The following TTF1 variants were observed in gnomAD, a reference collection of about 807,000 sequenced individuals.
TTF1 encodes transcription termination factor, RNA polymerase I.
In TTF1, 64 loss-of-function variants were observed where a neutral mutation model predicts 80.2. The ratio of observed to expected loss-of-function variants is 0.80; its 90% CI spans 0.65 to 0.98. The LOEUF (loss-of-function observed/expected upper bound fraction) is 0.98, where lower values mean the gene tolerates loss of function less well. Among genes scored for constraint, TTF1 ranks in the 50% least tolerant of loss-of-function variants. TTF1 has a pLI of 0.00. For synonymous variants in TTF1, 372 were observed against 382.7 expected (o/e 0.97, Z 0.33); for missense variants, 1,023 against 1,086.2 (o/e 0.94, Z 0.82).
Position 132,402,153 on chromosome 9 carries a change from CTTT to C in TTF1, c.666_668del (p.Lys225del). 6.2e-7 allele frequency: 1 copy of C among 1,613,874 alleles called. No homozygotes were observed. The highest frequency in any genetic ancestry group is 8.5e-7 in the Non-Finnish European group (1 of 1,179,978). ...CATATTCCCGGTTACTGGACTTTTTCTTTTTTTTCTTAGACTTGTTTTTATGAG... is the reference window on the plus strand; with the variant it reads ...CATATTCCCGGTTACTGGACTTTTTCTTTTTCTTAGACTTGTTTTTATGAG... On this transcript the variant is annotated inframe_deletion, in exon 2 of 11. Transcript: ENST00000334270.
chr9:132,392,908 G>C (rs1762385175), intron 5 of TTF1, among the ~76,000 whole-genome samples: 1 of 152,146 alleles, frequency 6.6e-6, no homozygotes, highest in South Asian at 2.1e-4. Flanking sequence ...CACGTCATCA[G>C]TATCAAAAAA....
At chr9:132,395,782 AG>A (rs1849637422) in intron 5 of TTF1, among the ~76,000 whole-genome samples, 1 of 152,256 alleles carries the variant, frequency 6.6e-6, no homozygotes, top group African/African-American at 2.4e-5. Context: ...GCAGCTGAGT[AG>A]AAGGTAGTTT....
At chr9:132,388,554 T>A (rs1849510588) in intron 7 of TTF1, among the ~76,000 whole-genome samples, 1 of 152,184 alleles carries the variant, frequency 6.6e-6, no homozygotes, top group Non-Finnish European at 1.5e-5. Flanking sequence ...TTGGCCAGGC[T>A]GGTCTCAAAC....
chr9:132,377,373 GGT>G (rs548396986), intron 10 of TTF1, among the ~76,000 whole-genome samples: 38 of 131,350 alleles, frequency 2.9e-4, no homozygotes, highest in Non-Finnish European at 4.3e-4. Context: ...GAGTGCATGT[GGT>G]GTGTGTGAGT....
Position 132,375,923 on chromosome 9 carries a change from T to TC in TTF1, c.2709dup (p.Ile904AspfsTer35). On this transcript the variant is annotated frameshift_variant, in exon 11 of 11. Coordinates refer to ENST00000334270, the MANE Select transcript of TTF1 (RefSeq NM_007344.4). LOFTEE classifies it high-confidence loss of function. Reference sequence around the variant, plus strand: ...GTCTCGAACTCCTGACCTCAGATGATCCACCGGCCTTGGCCTCCCAAAGTA... The same window carrying TC: ...GTCTCGAACTCCTGACCTCAGATGATCCCACCGGCCTTGGCCTCCCAAAGTA... 1 of 1,574,644 alleles carries TC rather than the reference T, an allele frequency of 6.4e-7. No individual in the cohort carries two copies. Among genetic ancestry groups the TC allele is most frequent in the Non-Finnish European group, 8.7e-7 (1 of 1,154,948 alleles).
At chr9:132,405,792 CCTG>C (rs1195667512) in intron 1 of TTF1, among the ~76,000 whole-genome samples, 3 of 152,190 alleles carry the variant, frequency 2.0e-5, no homozygotes, top group Non-Finnish European at 2.9e-5. Context: ...TTTCAGAAAC[CCTG>C]CTGTTTTCAG....
At position 132,396,521 on chromosome 9, in the gene TTF1, GAAGA is replaced by G. The variant is rs1257141153; in HGVS notation, c.1778-14_1778-11del. The G allele has an allele frequency of 1.2e-5, 20 of 1,613,180 alleles. No homozygotes were observed. Among genetic ancestry groups the G allele is most frequent in the Non-Finnish European group, 1.5e-5 (18 of 1,179,158 alleles). On this transcript the variant is annotated splice_polypyrimidine_tract_variant and intron_variant, in intron 4 of 10. Coordinates refer to ENST00000334270, the MANE Select transcript of TTF1 (RefSeq NM_007344.4). ...CGGGCAATGTTCCTACCTAAAGTCA[GAAGA>G]AAGGTGATCAGAGGGACTCACATGA...
At chr9:132,377,336 TGTG>T (rs1415624424) in intron 10 of TTF1, among the ~76,000 whole-genome samples, 2 of 140,970 alleles carry the variant, frequency 1.4e-5, no homozygotes, top group East Asian at 2.4e-4. Flanking sequence ...TGTGAATGCA[TGTG>T]GTGTGAGTGC....
chr9:132,378,534 G>A (rs1304978842), intron 10 of TTF1, among the ~76,000 whole-genome samples: 1 of 134,556 alleles, frequency 7.4e-6, no homozygotes, highest in Admixed American at 7.4e-5. Flanking sequence ...AGTGCATGTG[G>A]TGTGAGTGCA....
chr9:132,393,675 T>C (rs754792687), intron 5 of TTF1, among the ~76,000 whole-genome samples: 4 of 152,236 alleles, frequency 2.6e-5, no homozygotes, highest in Non-Finnish European at 4.4e-5. Flanking sequence ...CACACCTCTA[T>C]ATTTCTGTGT....
intron 10 of TTF1, among the ~76,000 whole-genome samples, chr9:132,378,491 ATGCATGTGATGTGAG>A (rs1849295745): frequency 9.1e-6 from 1 of 109,920 alleles, no homozygotes; most frequent in African/African-American, 3.6e-5. Context: ...GTGTGTGTGA[ATGCATGTGATGTGAG>A]TGCATGTGGT....
rs147864317 is a variant in TTF1, at chr9:132,398,236, T to C, written c.1682A>G (p.Glu561Gly). 85 of 1,608,446 alleles carry C rather than the reference T, an allele frequency of 5.3e-5. No homozygotes were observed. In the African/African-American group the frequency reaches 1.1e-3, roughly 20 times the overall value. Residue 561 changes from glutamate (E) to glycine (G), a missense_variant, in exon 4 of 11, where the codon GAG (glutamate) becomes GGG (glycine). Physicochemically the swap from Glu to Gly is moderately conservative, Grantham distance 98. Coordinates refer to ENST00000334270, the MANE Select transcript of TTF1 (RefSeq NM_007344.4). ...CGTGTACAGCAGCTTGTCTGCACTC[T>C]CAATGCCTGTCAGGGCTAGAAAGTC... ...VEDFLALTGI[E>G]SADKLLYTDR... is the part of the protein sequence containing the mutation.
rs114525223 is a variant in TTF1, at chr9:132,386,214, C to T, written c.2378+342G>A. On this transcript the variant is annotated intron_variant, in intron 9 of 10. Transcript: ENST00000334270. ...GTGGGCCATAGGTATTATGCTCTAG[C>T]TAAAATCTGTAATCACAAAACACCT... 8.1e-3 allele frequency among the ~76,000 whole-genome samples: 1,237 copies of T among 152,154 alleles called. 15 individuals are homozygous for T. Among genetic ancestry groups the T allele is most frequent in the African/African-American group, 0.028 (1,165 of 41,492 alleles).
intron 1 of TTF1, among the ~76,000 whole-genome samples, chr9:132,405,157 G>A (rs548740676): frequency 6.6e-6 from 1 of 152,202 alleles, no homozygotes; most frequent in South Asian, 2.1e-4. Context: ...AAAGTGCTGG[G>A]ATTACAGGCG....
rs1338970890 is a variant in TTF1 at position 132,406,620 on chromosome 9, A to C, written c.-8+170T>G. Among the ~76,000 whole-genome samples the C allele has an allele frequency of 2.0e-5, 3 of 146,932 alleles. No homozygotes were observed. The highest frequency in any genetic ancestry group is 3.0e-5 in the Non-Finnish European group (2 of 67,526). On this transcript the variant is annotated intron_variant, in intron 1 of 10. Coordinates refer to ENST00000334270, the MANE Select transcript of TTF1 (RefSeq NM_007344.4). ...TCCATCTTTAAAAAAAAAAAAAAAA[A>C]ACACCCAAGCCTCAGTTTCCCCGAG...
intron 1 of TTF1, among the ~76,000 whole-genome samples, chr9:132,403,327 A>G (rs1157165229): frequency 6.6e-6 from 1 of 152,186 alleles, no homozygotes; most frequent in Non-Finnish European, 1.5e-5. Flanking sequence ...TGATAGAGAA[A>G]AAAAGAGTTA....
At chr9:132,383,984 G>A (rs145874573) in intron 9 of TTF1, among the ~76,000 whole-genome samples, 16 of 152,288 alleles carry the variant, frequency 1.1e-4, no homozygotes, top group African/African-American at 3.6e-4. Flanking sequence ...TATGTGTGAA[G>A]TTGTTTTGTA....
intron 3 of TTF1, among the ~76,000 whole-genome samples, chr9:132,399,557 T>C (rs1326102838): frequency 1.3e-5 from 2 of 152,164 alleles, no homozygotes; most frequent in Non-Finnish European, 2.9e-5. Flanking sequence ...TTATTTATTA[T>C]TCTTAATAAT....
At chr9:132,383,358 G>A (rs1257154257) in intron 9 of TTF1, among the ~76,000 whole-genome samples, 1 of 152,112 alleles carries the variant, frequency 6.6e-6, no homozygotes, top group Admixed American at 6.5e-5. Context: ...TGTGGACTAT[G>A]TTTTAGAGGG....
Sources: gnomAD v4.1 joint callset for allele counts (sites outside exome capture counted in the v4.1 genomes callset) on GRCh38, gnomAD v4.1.1 for gene constraint, MANE v1.5 for transcripts, NCBI Gene and HGNC (gene_info 2026-07-23, HGNC 2026-07-21) for gene names.